Variants in ADAMTS17 observed in about 807,000 individuals in gnomAD.
The protein encoded by ADAMTS17 is ADAM metallopeptidase with thrombospondin type 1 motif 17, also known as A disintegrin and metalloproteinase with thrombospondin motifs 17.
A neutral mutation model predicts 141.5 loss-of-function variants in ADAMTS17; 113 were observed. That is an observed-to-expected ratio of 0.80 (90% CI 0.69 to 0.93). The LOEUF is 0.93. Among genes scored for constraint, ADAMTS17 ranks in the 40% least tolerant of loss-of-function variants. The pLI is 0.00. For synonymous variants in ADAMTS17, 768 were observed against 630.6 expected (o/e 1.22, Z -3.27); for missense variants, 1,659 against 1,517.9 (o/e 1.09, Z -1.54).
rs1225895893 is a variant in ADAMTS17 at position 100,248,834 on chromosome 15, T to G, written c.1075+5302A>C. On this transcript the variant is annotated intron_variant, in intron 7 of 21. Transcript: ENST00000268070. ...TTTTTTTTTTGAGACAGTCTCACTCTGTTGCCCAGGCTGGAGTGCAGTGGT... is the reference window on the plus strand; with the variant it reads ...TTTTTTTTTTGAGACAGTCTCACTCGGTTGCCCAGGCTGGAGTGCAGTGGT... Among the ~76,000 whole-genome samples, 7 of 151,662 alleles carry G rather than the reference T, an allele frequency of 4.6e-5. 1 individual carries two copies. In the South Asian group the frequency reaches 1.5e-3, roughly 32 times the overall value.
chr15:100,191,689 C>T (rs1173911018), intron 8 of ADAMTS17, among the ~76,000 whole-genome samples: 5 of 152,396 alleles, frequency 3.3e-5, no homozygotes, highest in Non-Finnish European at 5.9e-5. Context: ...GTCACAAATG[C>T]TCCTTGCTGC....
At chr15:100,090,265 T>C (rs193137526) in intron 15 of ADAMTS17, among the ~76,000 whole-genome samples, 77 of 152,300 alleles carry the variant, frequency 5.1e-4, no homozygotes, top group African/African-American at 1.4e-3. Flanking sequence ...TTAGAATCTT[T>C]TTCAGAGGAA....
At chr15:100,328,063 T>C (rs1281820348) in intron 3 of ADAMTS17, among the ~76,000 whole-genome samples, 1 of 152,128 alleles carries the variant, frequency 6.6e-6, no homozygotes. Context: ...TCTCAGACCA[T>C]GTCCAAGGCT....
rs974709125 is a variant in ADAMTS17 at position 100,058,599 on chromosome 15, G to A, written c.2138-4545C>T. Among the ~76,000 whole-genome samples the A allele has an allele frequency of 2.3e-4, 35 of 152,236 alleles. 1 individual carries two copies. The highest frequency in any genetic ancestry group is 8.8e-5 in the Non-Finnish European group (6 of 68,048). On this transcript the variant is annotated intron_variant, in intron 15 of 21. Coordinates refer to ENST00000268070, the MANE Select transcript of ADAMTS17 (RefSeq NM_139057.4). Reference sequence around the variant, plus strand: ...CGGTTATAAGACCATCCTCAGAAACGCTGCACAGAGGTGGCGGCTGGCCTG... The same window carrying A: ...CGGTTATAAGACCATCCTCAGAAACACTGCACAGAGGTGGCGGCTGGCCTG...
intron 7 of ADAMTS17, among the ~76,000 whole-genome samples, chr15:100,205,943 T>C (rs978862666): frequency 7.2e-5 from 11 of 152,120 alleles, no homozygotes; most frequent in Non-Finnish European, 1.5e-4. Context: ...GGCAAACAAG[T>C]GGAGACTGGA....
At chr15:100,103,582 T>C (rs1361782394) in intron 14 of ADAMTS17, among the ~76,000 whole-genome samples, 3 of 151,816 alleles carry the variant, frequency 2.0e-5, no homozygotes, top group African/African-American at 7.3e-5. Flanking sequence ...CTCTTTTTTT[T>C]TCTTTTCCTT....
intron 8 of ADAMTS17, among the ~76,000 whole-genome samples, chr15:100,168,871 C>T (rs1010605479): frequency 2.0e-5 from 3 of 152,238 alleles, no homozygotes; most frequent in East Asian, 1.9e-4. Context: ...CCTACCCTCC[C>T]GTTGATGTCC....
chr15:100,030,961 A>G (rs1164383675), intron 18 of ADAMTS17, among the ~76,000 whole-genome samples: 1 of 152,196 alleles, frequency 6.6e-6, no homozygotes, highest in Non-Finnish European at 1.5e-5. Context: ...TTCATCATCG[A>G]TATAGTTTTG....
chr15:100,135,252 A>G (rs2038267317), intron 10 of ADAMTS17, among the ~76,000 whole-genome samples: 1 of 152,170 alleles, frequency 6.6e-6, no homozygotes, highest in Non-Finnish European at 1.5e-5. Flanking sequence ...TAAAGTAAGA[A>G]AACTAATGAA....
intron 18 of ADAMTS17, 76 bp downstream of exon 18, chr15:100,048,781 C>T: frequency 2.5e-6 from 4 of 1,603,926 alleles, no homozygotes; most frequent in African/African-American, 1.3e-5. Flanking sequence ...GCATTAACTG[C>T]ATATCACTCC....
chr15:100,334,882 G>T (rs2046161975), intron 2 of ADAMTS17, among the ~76,000 whole-genome samples: 1 of 152,218 alleles, frequency 6.6e-6, no homozygotes, highest in East Asian at 1.9e-4. Flanking sequence ...GCCCTTCAGA[G>T]TCCCTCTCGT....
At chr15:100,165,751 A>C (rs1050263819) in intron 8 of ADAMTS17, among the ~76,000 whole-genome samples, 2 of 152,224 alleles carry the variant, frequency 1.3e-5, no homozygotes, top group Non-Finnish European at 2.9e-5. Context: ...GAATAAGAAT[A>C]TAGCCTCCCC....
intron 7 of ADAMTS17, among the ~76,000 whole-genome samples, chr15:100,218,830 G>A (rs185741389): frequency 3.3e-4 from 50 of 152,158 alleles, no homozygotes; most frequent in African/African-American, 9.9e-4. Context: ...ACTCAAATAC[G>A]CATCACTGAA....
intron 4 of ADAMTS17, among the ~76,000 whole-genome samples, chr15:100,268,425 T>C (rs1326488714): frequency 6.6e-6 from 1 of 152,226 alleles, no homozygotes; most frequent in African/African-American, 2.4e-5. Context: ...CAACAGCGTA[T>C]GAGCATTTTT....
chr15:100,238,636 C>G (rs2042733416), intron 7 of ADAMTS17, among the ~76,000 whole-genome samples: 1 of 152,182 alleles, frequency 6.6e-6, no homozygotes, highest in South Asian at 2.1e-4. Context: ...GCAGACAAGA[C>G]CAGAGTTAAG....
chr15:100,023,326 T>C (rs371110959), intron 18 of ADAMTS17, among the ~76,000 whole-genome samples: 11 of 152,074 alleles, frequency 7.2e-5, no homozygotes, highest in Admixed American at 5.9e-4. Flanking sequence ...TTCAGCCTCC[T>C]GAGTCGTTGG....
intron 12 of ADAMTS17, among the ~76,000 whole-genome samples, chr15:100,126,933 T>C (rs2037765769): frequency 6.6e-6 from 1 of 152,054 alleles, no homozygotes; most frequent in South Asian, 2.1e-4. Flanking sequence ...TTGTAACACG[T>C]GTAACGTAAG....
At chr15:99,985,233 T>C (rs2060562257) in intron 20 of ADAMTS17, among the ~76,000 whole-genome samples, 2 of 152,230 alleles carry the variant, frequency 1.3e-5, no homozygotes, top group Non-Finnish European at 2.9e-5. Flanking sequence ...TTTTGGTCAC[T>C]GCCTTTCACG....
At chr15:100,077,136 G>A (rs981266713) in intron 15 of ADAMTS17, among the ~76,000 whole-genome samples, 2 of 151,700 alleles carry the variant, frequency 1.3e-5, no homozygotes, top group Non-Finnish European at 2.9e-5. Context: ...TAGGACTCAA[G>A]CTTGGTTTAA....
Sources: allele counts gnomAD v4.1 joint callset (sites outside exome capture counted in the v4.1 genomes callset), GRCh38; gene constraint gnomAD v4.1.1; transcripts MANE v1.5; gene names NCBI Gene and HGNC (gene_info 2026-07-23, HGNC 2026-07-21).